The following PCDH15 variants were observed in gnomAD, a reference collection of about 807,000 sequenced individuals.
PCDH15 encodes protocadherin related 15.
In PCDH15, 129 loss-of-function variants were observed where a neutral mutation model predicts 178.5. That is an observed-to-expected ratio of 0.72 (90% CI 0.63 to 0.84). The LOEUF is 0.84. Ranked by LOEUF, PCDH15 falls within the 40% of genes least tolerant of loss-of-function variation. PCDH15 has a pLI of 0.00. For synonymous variants in PCDH15, 800 were observed against 732.0 expected (o/e 1.09, Z -1.50); for missense variants, 2,230 against 2,099.9 (o/e 1.06, Z -1.21).
chr10:55,248,760 T>G (rs1181758646), intron 1 of PCDH15, among the ~76,000 whole-genome samples: 3 of 152,068 alleles, frequency 2.0e-5, no homozygotes, highest in African/African-American at 7.2e-5. Flanking sequence ...TTTTGCCATG[T>G]TGCCCAGGCT....
At chr10:54,091,242 G>T (rs918718820) in intron 15 of PCDH15, among the ~76,000 whole-genome samples, 1 of 152,156 alleles carries the variant, frequency 6.6e-6, no homozygotes, top group African/African-American at 2.4e-5. Flanking sequence ...GATGCTACAG[G>T]GGGGGATATA....
chr10:53,967,664 T>C (rs896461661), intron 21 of PCDH15, among the ~76,000 whole-genome samples: 4 of 152,212 alleles, frequency 2.6e-5, no homozygotes, highest in Admixed American at 2.6e-4. Context: ...AATAAGTTAA[T>C]GTTTCTTTCA....
chr10:53,831,681 T>C (rs2077025793), intron 29 of PCDH15, 148 bp from the exon 30 acceptor site: 2 of 634,814 alleles, frequency 3.2e-6, no homozygotes, highest in East Asian at 5.6e-5. Context: ...GAAAAGCATA[T>C]ATAAAAAGCA....
chr10:53,824,731 C>A (rs1389017734), intron 32 of PCDH15, among the ~76,000 whole-genome samples: 1 of 151,982 alleles, frequency 6.6e-6, no homozygotes, highest in African/African-American at 2.4e-5. Context: ...TGTAAACAAA[C>A]ATTTGTTCGT....
intron 2 of PCDH15, among the ~76,000 whole-genome samples, chr10:55,364,139 A>T (rs2131981808): frequency 6.6e-6 from 1 of 152,140 alleles, no homozygotes; most frequent in South Asian, 2.1e-4. Flanking sequence ...GCTTCCTGCC[A>T]CCTTGCGAAG....
chr10:54,788,244 T>C (rs1243619880), intron 1 of PCDH15, among the ~76,000 whole-genome samples: 1 of 151,906 alleles, frequency 6.6e-6, no homozygotes, highest in African/African-American at 2.4e-5. Flanking sequence ...TGATATTAGA[T>C]GTTATTAGTA....
chr10:53,888,306 A>ACG (rs2081265485), intron 26 of PCDH15, among the ~76,000 whole-genome samples: 6 of 34,338 alleles, frequency 1.7e-4, no homozygotes, highest in African/African-American at 4.9e-4. Context: ...ATATATATAT[A>ACG]TATGTATATA....
intron 16 of PCDH15, among the ~76,000 whole-genome samples, chr10:54,085,081 G>T (rs2094495676): frequency 6.6e-6 from 1 of 152,310 alleles, no homozygotes; most frequent in East Asian, 1.9e-4. Context: ...GTAGAGTGAA[G>T]TGTGAGAAAT....
At chr10:54,061,206 C>T (rs1005380447) in intron 18 of PCDH15, among the ~76,000 whole-genome samples, 1 of 152,116 alleles carries the variant, frequency 6.6e-6, no homozygotes, top group African/African-American at 2.4e-5. Flanking sequence ...AGTAAGAGGC[C>T]TCTCATATCT....
At chr10:55,233,363 A>C (rs529281894) in intron 1 of PCDH15, among the ~76,000 whole-genome samples, 1 of 152,170 alleles carries the variant, frequency 6.6e-6, no homozygotes, top group Non-Finnish European at 1.5e-5. Flanking sequence ...TCTACCTCAC[A>C]ATAATTAGAT....
At chr10:53,878,215 A>ATATAT (rs2080386364) in intron 26 of PCDH15, among the ~76,000 whole-genome samples, 1 of 127,454 alleles carries the variant, frequency 7.8e-6, no homozygotes, top group Non-Finnish European at 1.6e-5. Context: ...ACACACTTTG[A>ATATAT]ATATATATAT....
chr10:54,070,512 T>G (rs1296318736), intron 17 of PCDH15, among the ~76,000 whole-genome samples: 1 of 152,204 alleles, frequency 6.6e-6, no homozygotes, highest in Admixed American at 6.5e-5. Flanking sequence ...CTTACTGTTG[T>G]AATTTGAATA....
At chr10:55,593,198 A>G (rs1842876549) in intron 2 of PCDH15, among the ~76,000 whole-genome samples, 1 of 152,056 alleles carries the variant, frequency 6.6e-6, no homozygotes, top group East Asian at 1.9e-4. Flanking sequence ...AAAAACTGGT[A>G]TGTTATTAAA....
intron 2 of PCDH15, among the ~76,000 whole-genome samples, chr10:55,471,385 T>C (rs1186872801): frequency 6.6e-6 from 1 of 152,232 alleles, no homozygotes; most frequent in Non-Finnish European, 1.5e-5. Flanking sequence ...ACAAAAATCA[T>C]ATAATTTATG....
chr10:54,442,958 G>A (rs1487278475), intron 3 of PCDH15, among the ~76,000 whole-genome samples: 1 of 151,562 alleles, frequency 6.6e-6, no homozygotes, highest in Non-Finnish European at 1.5e-5. Context: ...TGACAAGGGA[G>A]AAACCCAGAC....
At chr10:54,278,692 T>C (rs2043997) in intron 8 of PCDH15, among the ~76,000 whole-genome samples, 74,458 of 151,326 alleles carry the variant, frequency 0.49, 19,320 homozygotes, top group Middle Eastern at 0.6. Flanking sequence ...TTTTGTCAGC[T>C]ACAGCACTAA....
chr10:54,135,625 T>C (rs1463866152), intron 14 of PCDH15, among the ~76,000 whole-genome samples: 1 of 152,220 alleles, frequency 6.6e-6, no homozygotes, highest in East Asian at 1.9e-4. Flanking sequence ...TTGGCTTCTT[T>C]TAGGGTCTGT....
chr10:54,937,940 T>C (rs866942805), intron 2 of PCDH15, among the ~76,000 whole-genome samples: 12 of 152,066 alleles, frequency 7.9e-5, no homozygotes, highest in Admixed American at 2.6e-4. Flanking sequence ...GGGGAAAACA[T>C]TTAGTCTTTC....
chr10:53,935,373 T>C (rs1425567452), intron 25 of PCDH15, among the ~76,000 whole-genome samples: 2 of 152,160 alleles, frequency 1.3e-5, no homozygotes, highest in African/African-American at 2.4e-5. Flanking sequence ...AATATCACTT[T>C]CAATTAGATG....
Sources: allele counts gnomAD v4.1 joint callset (sites outside exome capture counted in the v4.1 genomes callset), GRCh38; gene constraint gnomAD v4.1.1; transcripts MANE v1.5; gene names NCBI Gene and HGNC (gene_info 2026-07-23, HGNC 2026-07-21).